Variants in ADD3 observed in about 807,000 individuals in gnomAD.
The protein encoded by ADD3 is gamma-adducin.
ADD3 carries 25 observed loss-of-function variants against 80.2 expected under a neutral mutation model. The ratio of observed to expected loss-of-function variants is 0.31; its 90% CI spans 0.23 to 0.44. ADD3 has a LOEUF of 0.44. Among genes scored for constraint, ADD3 ranks in the 20% least tolerant of loss-of-function variants. The pLI, the probability that ADD3 is intolerant of heterozygous loss-of-function variation, is 1.00. For missense variants in ADD3, 829 were observed against 847.5 expected, an observed-to-expected ratio of 0.98 and a Z score of 0.27; for synonymous variants, 284 against 289.6, an observed-to-expected ratio of 0.98 and a Z score of 0.20.
intron 11 of ADD3, 79 bp downstream of exon 11, chr10:110,126,024 A>T: frequency 7.1e-7 from 1 of 1,410,350 alleles, no homozygotes; most frequent in Non-Finnish European, 9.6e-7. Flanking sequence ...AATCTGGTTA[A>T]TGCCAAACTT....
intron 1 of ADD3, among the ~76,000 whole-genome samples, chr10:110,032,563 AAG>A (rs1201980638): frequency 6.6e-6 from 1 of 152,250 alleles, no homozygotes; most frequent in Non-Finnish European, 1.5e-5. Context: ...TTATAATACT[AAG>A]AGCTATGTAA....
At chr10:110,115,616 A>T (rs115427327) in intron 3 of ADD3, among the ~76,000 whole-genome samples, 169 of 152,354 alleles carry the variant, frequency 1.1e-3, no homozygotes, top group African/African-American at 3.9e-3. Context: ...GGAGAAAAGC[A>T]TGTAGACAAG....
At chr10:110,056,916 T>C (rs1858263424) in intron 1 of ADD3, among the ~76,000 whole-genome samples, 1 of 152,238 alleles carries the variant, frequency 6.6e-6, no homozygotes, top group Non-Finnish European at 1.5e-5. Context: ...GGGCAGTGGC[T>C]ATACTAATGG....
At position 110,087,090 on chromosome 10, in the gene ADD3, G is replaced by T. The variant is rs191874527; in HGVS notation, c.-29-13535G>T. 6.1e-3 allele frequency among the ~76,000 whole-genome samples: 933 copies of T among 151,980 alleles called. 7 individuals carry two copies. The highest frequency in any genetic ancestry group is 0.022 in the African/African-American group (895 of 41,460). ...CACCCAGGCTGGAGTGCAGTGGCAC[G>T]CCATCTCAGCTCACTGCAACCTCTG... On this transcript the variant is annotated intron_variant, in intron 1 of 14. Transcript: ENST00000356080.
At chr10:110,121,995 G>C in intron 8 of ADD3, 115 bp from the exon 9 acceptor site, 1 of 818,910 alleles carries the variant, frequency 1.2e-6, no homozygotes, top group Non-Finnish European at 1.9e-6. Context: ...GTTGTTAGTA[G>C]CCTGAGCAAG....
intron 1 of ADD3, among the ~76,000 whole-genome samples, chr10:110,041,496 T>A (rs150787388): frequency 3.3e-5 from 5 of 152,302 alleles, no homozygotes; most frequent in African/African-American, 1.2e-4. Flanking sequence ...TGGTTTAACA[T>A]CTCTAAGCCT....
chr10:110,116,850 T>C (rs1356569723), intron 4 of ADD3, among the ~76,000 whole-genome samples: 1 of 152,212 alleles, frequency 6.6e-6, no homozygotes, highest in Non-Finnish European at 1.5e-5. Flanking sequence ...AAAAAGATGC[T>C]ATTTGGAAAC....
chr10:110,074,476 A>C (rs77435117), intron 1 of ADD3, among the ~76,000 whole-genome samples: 1,735 of 152,154 alleles, frequency 0.011, 55 homozygotes, highest in East Asian at 0.073. Flanking sequence ...AGGCACTAGG[A>C]GTGCGTGAAC....
chr10:110,090,440 T>C (rs1181292634), intron 1 of ADD3, among the ~76,000 whole-genome samples: 1 of 152,126 alleles, frequency 6.6e-6, no homozygotes, highest in Non-Finnish European at 1.5e-5. Context: ...AGGCTTGTCT[T>C]GAACTCCTAA....
At chr10:110,031,247 T>TG (rs1854985302) in intron 1 of ADD3, among the ~76,000 whole-genome samples, 1 of 152,208 alleles carries the variant, frequency 6.6e-6, no homozygotes, top group Non-Finnish European at 1.5e-5. Context: ...CACTCCAGCC[T>TG]GGGCAACAAG....
chr10:110,004,834 T>C, upstream of ADD3, among the ~76,000 whole-genome samples: 1 of 149,656 alleles, frequency 6.7e-6, no homozygotes, highest in East Asian at 1.9e-4. Context: ...AGTGCTTAAA[T>C]CAAGTAATAT....
intron 1 of ADD3, among the ~76,000 whole-genome samples, chr10:110,047,301 A>G (rs2133357199): frequency 6.6e-6 from 1 of 152,356 alleles, no homozygotes; most frequent in Non-Finnish European, 1.5e-5. Flanking sequence ...CAGTCTGAGT[A>G]ATATTAGGCT....
At chr10:110,064,168 G>A (rs1001617521) in intron 1 of ADD3, among the ~76,000 whole-genome samples, 45 of 152,084 alleles carry the variant, frequency 3.0e-4, no homozygotes, top group Non-Finnish European at 3.4e-4. Flanking sequence ...ATTGTTTCCA[G>A]TTTGCATCTA....
chr10:110,048,180 A>G (rs1249584207), intron 1 of ADD3, among the ~76,000 whole-genome samples: 1 of 152,126 alleles, frequency 6.6e-6, no homozygotes, highest in East Asian at 1.9e-4. Flanking sequence ...CTTGTCTGCC[A>G]CCATGTAAGA....
At chr10:110,049,865 C>G (rs912014564) in intron 1 of ADD3, among the ~76,000 whole-genome samples, 3 of 143,844 alleles carry the variant, frequency 2.1e-5, no homozygotes, top group Non-Finnish European at 4.5e-5. Flanking sequence ...CCAGCCTGGG[C>G]GACAGAGCGA....
At chr10:110,015,309 T>A (rs753483123) in intron 1 of ADD3, among the ~76,000 whole-genome samples, 1 of 152,134 alleles carries the variant, frequency 6.6e-6, no homozygotes, top group Non-Finnish European at 1.5e-5. Flanking sequence ...AATTAGAAAT[T>A]CATTGCTTTA....
At chr10:110,007,662 C>T (rs984999262), upstream of ADD3, among the ~76,000 whole-genome samples, 9 of 152,180 alleles carry the variant, frequency 5.9e-5, no homozygotes, top group African/African-American at 2.2e-4. Flanking sequence ...CCAGGCCCTC[C>T]CGGCTGCCGG....
chr10:110,130,895 T>C (rs1387460640), intron 13 of ADD3, among the ~76,000 whole-genome samples: 1 of 151,274 alleles, frequency 6.6e-6, no homozygotes, highest in Non-Finnish European at 1.5e-5. Flanking sequence ...ACAATCTGAA[T>C]GCTACTATTT....
chr10:110,058,746 G>C (rs1858515377), intron 1 of ADD3, among the ~76,000 whole-genome samples: 1 of 152,084 alleles, frequency 6.6e-6, no homozygotes, highest in Non-Finnish European at 1.5e-5. Flanking sequence ...TATGTATGTT[G>C]AACTATCATT....
Sources: gnomAD v4.1 joint callset for allele counts (sites outside exome capture counted in the v4.1 genomes callset) on GRCh38, gnomAD v4.1.1 for gene constraint, MANE v1.5 for transcripts, NCBI Gene and HGNC (gene_info 2026-07-23, HGNC 2026-07-21) for gene names.